GRID2: variants seen among roughly 807,000 people sequenced by gnomAD.
The protein encoded by GRID2 is glutamate ionotropic receptor delta type subunit 2, also known as glutamate receptor ionotropic, delta-2.
A neutral mutation model predicts 114.8 loss-of-function variants in GRID2; 33 were observed. That is an observed-to-expected ratio of 0.29 (90% CI 0.22 to 0.38). The LOEUF is 0.38. GRID2 is among the 10% of genes least tolerant of loss of function. The probability of loss-of-function intolerance (pLI) is 1.00; values close to 1 mark genes in which losing one functional copy is unlikely to be tolerated. For synonymous variants in GRID2, 505 were observed against 449.9 expected (o/e 1.12, Z -1.55); for missense variants, 1,184 against 1,257.7 (o/e 0.94, Z 0.89).
chr4:92,886,863 G>A (rs1746407317), intron 2 of GRID2, among the ~76,000 whole-genome samples: 1 of 151,990 alleles, frequency 6.6e-6, no homozygotes, highest in Non-Finnish European at 1.5e-5. Flanking sequence ...CTGACCTCGT[G>A]ATCCACCCGC....
chr4:92,740,682 TAGATAGATGATAGATA>T (rs938993490), intron 2 of GRID2, among the ~76,000 whole-genome samples: 2 of 78,392 alleles, frequency 2.6e-5, no homozygotes, highest in African/African-American at 8.6e-5. Flanking sequence ...CATAGATAGA[TAGATAGATGATAGATA>T]GATAGATAGA....
intron 2 of GRID2, among the ~76,000 whole-genome samples, chr4:92,754,941 T>A (rs1737635920): frequency 6.6e-6 from 1 of 152,218 alleles, no homozygotes; most frequent in African/African-American, 2.4e-5. Context: ...TTAGCATCAC[T>A]TCTACTATTT....
intron 1 of GRID2, among the ~76,000 whole-genome samples, chr4:92,585,774 GAC>G (rs1579631202): frequency 6.6e-6 from 1 of 151,734 alleles, no homozygotes; most frequent in Non-Finnish European, 1.5e-5. Context: ...AAATTTATAA[GAC>G]ACAAAATTTT....
At chr4:92,598,760 G>A (rs1383437600) in intron 2 of GRID2, among the ~76,000 whole-genome samples, 1 of 151,976 alleles carries the variant, frequency 6.6e-6, no homozygotes, top group Non-Finnish European at 1.5e-5. Flanking sequence ...ATGGTAGATG[G>A]GTTCCTCCAC....
intron 2 of GRID2, among the ~76,000 whole-genome samples, chr4:92,930,630 A>G (rs1165131933): frequency 6.9e-6 from 1 of 144,824 alleles, no homozygotes; most frequent in Non-Finnish European, 1.5e-5. Context: ...AATTTACAAC[A>G]TGTGAAGCAT....
intron 8 of GRID2, among the ~76,000 whole-genome samples, chr4:93,321,107 A>C (rs558966957): frequency 6.6e-6 from 1 of 152,130 alleles, no homozygotes; most frequent in South Asian, 2.1e-4. Context: ...ACTCTCCTTG[A>C]AAAAAGCAGT....
intron 2 of GRID2, among the ~76,000 whole-genome samples, chr4:92,711,843 C>A (rs547614620): frequency 5.3e-5 from 8 of 152,276 alleles, no homozygotes; most frequent in Non-Finnish European, 7.3e-5. Flanking sequence ...GTTGAGGCTG[C>A]AGTGAGCTAT....
At chr4:93,193,346 C>T (rs770405416) in intron 4 of GRID2, among the ~76,000 whole-genome samples, 2 of 152,070 alleles carry the variant, frequency 1.3e-5, no homozygotes, top group African/African-American at 2.4e-5. Flanking sequence ...ATAATCCCCA[C>T]GTGTCATGGG....
chr4:92,816,447 A>C (rs1024927572), intron 2 of GRID2, among the ~76,000 whole-genome samples: 2 of 151,970 alleles, frequency 1.3e-5, no homozygotes, highest in Non-Finnish European at 2.9e-5. Flanking sequence ...CTCATACATT[A>C]ATGCATGTTT....
At chr4:92,518,506 T>C (rs552762049) in intron 1 of GRID2, among the ~76,000 whole-genome samples, 5 of 151,826 alleles carry the variant, frequency 3.3e-5, no homozygotes, top group Non-Finnish European at 7.4e-5. Flanking sequence ...TAGTAAAATA[T>C]GTAGAGAGAG....
intron 4 of GRID2, among the ~76,000 whole-genome samples, chr4:93,157,615 A>G (rs992367312): frequency 7.2e-5 from 11 of 151,770 alleles, no homozygotes; most frequent in Non-Finnish European, 1.6e-4. Context: ...TGCATGTTCT[A>G]TCAATACTAT....
intron 1 of GRID2, among the ~76,000 whole-genome samples, chr4:92,585,100 G>A (rs557990483): frequency 7.6e-4 from 116 of 152,014 alleles, no homozygotes; most frequent in Admixed American, 7.5e-3. Flanking sequence ...ACAGTGGCTT[G>A]GCTTTGATGG....
chr4:93,555,076 C>A (rs1734175376), intron 13 of GRID2, among the ~76,000 whole-genome samples: 2 of 152,090 alleles, frequency 1.3e-5, no homozygotes, highest in Non-Finnish European at 2.9e-5. Flanking sequence ...GCACTGTGGC[C>A]CAGATACTAT....
chr4:93,561,596 G>C (rs1734933276), intron 13 of GRID2, among the ~76,000 whole-genome samples: 1 of 152,054 alleles, frequency 6.6e-6, no homozygotes, highest in African/African-American at 2.4e-5. Context: ...TGTACATTCT[G>C]ACTTTGGACA....
chr4:92,982,835 T>G (rs2149190392), intron 2 of GRID2, among the ~76,000 whole-genome samples: 1 of 152,270 alleles, frequency 6.6e-6, no homozygotes, highest in South Asian at 2.1e-4. Context: ...AGAAATAATT[T>G]CTACTTTTTT....
chr4:93,322,479 G>T (rs930071293), intron 8 of GRID2, among the ~76,000 whole-genome samples: 1 of 151,980 alleles, frequency 6.6e-6, no homozygotes, highest in African/African-American at 2.4e-5. Context: ...CAAGTCTTTG[G>T]TATTGTGAAC....
chr4:93,685,618 A>T (rs548150836), intron 14 of GRID2, among the ~76,000 whole-genome samples: 1 of 152,220 alleles, frequency 6.6e-6, no homozygotes, highest in Non-Finnish European at 1.5e-5. Context: ...AGCAATGGTG[A>T]TATTAGCAGT....
rs115400567 is a variant in GRID2 at position 93,407,574 on chromosome 4, T to G, written c.1347+11866T>G. On this transcript the variant is annotated intron_variant, in intron 9 of 15. Transcript: ENST00000282020. Reference sequence around the variant, plus strand: ...AAAGTCCATAATGCTTGAAACTGAATATGTGATCCTTGCATCATGTTTAAA... The same window carrying G: ...AAAGTCCATAATGCTTGAAACTGAAGATGTGATCCTTGCATCATGTTTAAA... 7.6e-3 allele frequency among the ~76,000 whole-genome samples: 1,157 copies of G among 152,312 alleles called. 15 individuals carry two copies. Among genetic ancestry groups the G allele is most frequent in the African/African-American group, 0.026 (1,086 of 41,564 alleles).
intron 13 of GRID2, among the ~76,000 whole-genome samples, chr4:93,524,772 T>C (rs1730662143): frequency 8.3e-6 from 1 of 120,582 alleles, no homozygotes; most frequent in Non-Finnish European, 1.7e-5. Flanking sequence ...AGAAAAAATA[T>C]ATGTATGTAT....
Sources: allele counts gnomAD v4.1 joint callset (sites outside exome capture counted in the v4.1 genomes callset), GRCh38; gene constraint gnomAD v4.1.1; transcripts MANE v1.5; gene names NCBI Gene and HGNC (gene_info 2026-07-23, HGNC 2026-07-21).